WDR64: variants seen among roughly 807,000 people sequenced by gnomAD.
WDR64 encodes WD repeat domain 64, also known as WD repeat-containing protein 64.
WDR64 carries 112 observed loss-of-function variants against 139.3 expected under a neutral mutation model. The ratio of observed to expected loss-of-function variants is 0.80; its 90% CI spans 0.69 to 0.94. WDR64 has a LOEUF of 0.94. Among genes scored for constraint, WDR64 ranks in the 40% least tolerant of loss-of-function variants. WDR64 has a pLI of 0.00. For synonymous variants in WDR64, 444 were observed against 437.7 expected (o/e 1.01, Z -0.18); for missense variants, 1,206 against 1,293.1 (o/e 0.93, Z 1.03).
At chr1:241,776,535 G>T (rs1658660439) in intron 21 of WDR64, among the ~76,000 whole-genome samples, 1 of 151,788 alleles carries the variant, frequency 6.6e-6, no homozygotes, top group South Asian at 2.1e-4. Context: ...GGAGTTTTTT[G>T]GGTTTTGTTT....
intron 15 of WDR64, among the ~76,000 whole-genome samples, chr1:241,764,011 CAGTGAATCTCA>C (rs1189980019): frequency 1.3e-5 from 2 of 152,034 alleles, no homozygotes; most frequent in African/African-American, 4.8e-5. Flanking sequence ...AGTGAAAAGA[CAGTGAATCTCA>C]AGTGGAAGAG....
chr1:241,670,033 C>G (rs192664898), intron 2 of WDR64, among the ~76,000 whole-genome samples: 12 of 152,246 alleles, frequency 7.9e-5, no homozygotes, highest in Admixed American at 6.5e-4. Flanking sequence ...TACTGATATA[C>G]TAATTATATA....
At chr1:241,771,947 T>TATAC (rs1558518691) in intron 19 of WDR64, among the ~76,000 whole-genome samples, 1 of 28,172 alleles carries the variant, frequency 3.5e-5, no homozygotes, top group South Asian at 7.8e-4. Flanking sequence ...CATACATACA[T>TATAC]ATATATATAT....
intron 21 of WDR64, among the ~76,000 whole-genome samples, 169 bp downstream of exon 21, chr1:241,775,379 T>C (rs1406165974): frequency 6.6e-6 from 1 of 152,210 alleles, no homozygotes; most frequent in Non-Finnish European, 1.5e-5. Flanking sequence ...ACAGAATAAA[T>C]GAGTGTCAGG....
chr1:241,777,345 T>C (rs1420702122), intron 21 of WDR64, among the ~76,000 whole-genome samples: 1 of 152,204 alleles, frequency 6.6e-6, no homozygotes, highest in African/African-American at 2.4e-5. Flanking sequence ...ATGTATGCAT[T>C]GAATGCTATA....
chr1:241,762,906 G>A (rs910195596), intron 15 of WDR64, among the ~76,000 whole-genome samples: 13 of 152,206 alleles, frequency 8.5e-5, no homozygotes, highest in Admixed American at 6.5e-4. Context: ...ACTGCAATTT[G>A]AATGTCATTC....
chr1:241,756,190 T>C (rs1011422153), intron 14 of WDR64, among the ~76,000 whole-genome samples: 3 of 152,224 alleles, frequency 2.0e-5, no homozygotes, highest in Admixed American at 2.0e-4. Context: ...TTCCTATCCA[T>C]GAGCATGGGA....
chr1:241,713,718 C>T (rs72768085), intron 9 of WDR64, among the ~76,000 whole-genome samples: 35,283 of 151,922 alleles, frequency 0.23, 4,452 homozygotes, highest in Middle Eastern at 0.43. Context: ...ATGAAATTTG[C>T]GATTCTAGTT....
chr1:241,691,888 C>G (rs1322702375), intron 8 of WDR64, among the ~76,000 whole-genome samples: 1 of 151,980 alleles, frequency 6.6e-6, no homozygotes, highest in Non-Finnish European at 1.5e-5. Flanking sequence ...TGGTGGGTGC[C>G]TATAATCTCA....
chr1:241,676,888 T>C (rs1280265632), intron 4 of WDR64, among the ~76,000 whole-genome samples: 1 of 152,054 alleles, frequency 6.6e-6, no homozygotes, highest in African/African-American at 2.4e-5. Flanking sequence ...AGCCCAAAAT[T>C]AATTATTTTA....
chr1:241,697,974 A>G (rs1667561661), intron 8 of WDR64, among the ~76,000 whole-genome samples: 1 of 152,130 alleles, frequency 6.6e-6, no homozygotes, highest in Admixed American at 6.5e-5. Context: ...CTCTAGCATC[A>G]GGTCCTTAGC....
chr1:241,758,325 T>C (rs1670290746), intron 15 of WDR64, among the ~76,000 whole-genome samples: 1 of 151,936 alleles, frequency 6.6e-6, no homozygotes, highest in South Asian at 2.1e-4. Flanking sequence ...TTTTTTTTTT[T>C]TGTATCTCAG....
chr1:241,769,021 C>G (rs1658304771), intron 16 of WDR64, among the ~76,000 whole-genome samples: 1 of 152,152 alleles, frequency 6.6e-6, no homozygotes, highest in Non-Finnish European at 1.5e-5. Flanking sequence ...AATCCCAGCA[C>G]TTTGGGAGGC....
intron 24 of WDR64, 59 bp downstream of exon 24, chr1:241,788,093 T>C: frequency 1.4e-6 from 2 of 1,435,356 alleles, no homozygotes; most frequent in Non-Finnish European, 9.3e-7. Context: ...TGAGATGCTG[T>C]GGCACTGTCC....
intron 4 of WDR64, among the ~76,000 whole-genome samples, chr1:241,675,115 C>T (rs532177972): frequency 7.3e-5 from 7 of 96,202 alleles, no homozygotes; most frequent in African/African-American, 2.8e-4. Context: ...CTTCCTTCCT[C>T]CCTCCCTCCT....
rs527822317 is a variant in WDR64, at chr1:241,748,226, C to T, written c.1595-1321C>T. Among the ~76,000 whole-genome samples, 4 of 152,304 alleles carry T rather than the reference C, an allele frequency of 2.6e-5. No homozygotes were observed. In the East Asian group the frequency reaches 7.7e-4, roughly 29 times the overall value. On this transcript the variant is annotated intron_variant, in intron 13 of 27. Transcript: ENST00000437684. ...AAAAGCTGAGCAAATTCTTCTCTACCTCTTGAGGGGAGATAGGAAAACCTC... is the reference window on the plus strand; with the variant it reads ...AAAAGCTGAGCAAATTCTTCTCTACTTCTTGAGGGGAGATAGGAAAACCTC...
chr1:241,765,898 C>T (rs1471388418), intron 15 of WDR64, among the ~76,000 whole-genome samples: 1 of 151,868 alleles, frequency 6.6e-6, no homozygotes, highest in African/African-American at 2.4e-5. Context: ...GTGGAAACGA[C>T]GAACGTAGAA....
chr1:241,739,592 T>C (rs1669456814), intron 11 of WDR64, among the ~76,000 whole-genome samples: 1 of 152,214 alleles, frequency 6.6e-6, no homozygotes, highest in Admixed American at 6.5e-5. Context: ...AAGCAAATTT[T>C]CTCTCAGTGC....
intron 9 of WDR64, among the ~76,000 whole-genome samples, chr1:241,719,088 CT>C (rs2148191133): frequency 6.6e-6 from 1 of 152,116 alleles, no homozygotes; most frequent in East Asian, 1.9e-4. Context: ...TTCAGCCTGC[CT>C]TTAATAACAC....
Sources: allele counts gnomAD v4.1 joint callset (sites outside exome capture counted in the v4.1 genomes callset), GRCh38; gene constraint gnomAD v4.1.1; transcripts MANE v1.5; gene names NCBI Gene and HGNC (gene_info 2026-07-23, HGNC 2026-07-21).